Variants in TEX15 observed in about 807,000 individuals in gnomAD.
The protein encoded by TEX15 is testis expressed 15, meiosis and synapsis associated.
In TEX15, 171 loss-of-function variants were observed where a neutral mutation model predicts 237.3. The ratio of observed to expected loss-of-function variants is 0.72; its 90% CI spans 0.64 to 0.82. The LOEUF (loss-of-function observed/expected upper bound fraction) is 0.82, where lower values mean the gene tolerates loss of function less well. Among genes scored for constraint, TEX15 ranks in the 40% least tolerant of loss-of-function variants. TEX15 has a pLI of 0.00. For synonymous variants in TEX15, 1,338 were observed against 1,269.8 expected, an observed-to-expected ratio of 1.05 and a Z score of -1.14; for missense variants, 3,750 against 3,646.5, an observed-to-expected ratio of 1.03 and a Z score of -0.73.
In TEX15 at chr8:30,832,304, C is replaced by T. The variant is rs1807200350; in HGVS notation, c.*982G>A. 6.6e-6 allele frequency: 1 copy of T among 152,222 alleles called. No homozygotes were observed. Among genetic ancestry groups the T allele is most frequent in the Admixed American group, 6.5e-5 (1 of 15,278 alleles). 9.4% of individuals were successfully genotyped at this position (152,222 alleles called of 1,614,324 possible). ...GATTCAGCCAAACCAATTCTCTTGT[C>T]ACATTTTAGGGCTAACCCTTGAGAA... On this transcript the variant is annotated 3_prime_UTR_variant, in exon 11 of 11. Coordinates refer to ENST00000643185, the MANE Select transcript of TEX15 (RefSeq NM_001350162.2).
intron 1 of TEX15, among the ~76,000 whole-genome samples, chr8:30,905,796 C>T (rs1387596625): frequency 6.7e-5 from 10 of 149,886 alleles, no homozygotes; most frequent in South Asian, 2.1e-4. Context: ...CCCAGCTGCT[C>T]GGGATGCTGA....
intron 2 of TEX15, among the ~76,000 whole-genome samples, chr8:30,897,587 A>G (rs1370574900): frequency 6.6e-6 from 1 of 152,228 alleles, no homozygotes; most frequent in East Asian, 1.9e-4. Context: ...CATATGATTA[A>G]TATGTGGGTA....
At position 30,848,486 on chromosome 8, in the gene TEX15, C is replaced by A. The variant is rs775006638; in HGVS notation, c.1681G>T (p.Ala561Ser). ...CCGGACTCCTGTTGGGCTCTCTGAG[C>A]CTTCTCCTCACTGTGGTTTTGGTTC... is the stretch of plus-strand genomic sequence containing the variant. Reference protein sequence around the residue: ...VENQNHSEEKAQRAQQESGNA... With the variant: ...VENQNHSEEKSQRAQQESGNA... The change falls in exon 8 of 11, where the codon GCT (alanine) becomes TCT (serine). Residue 561 changes from alanine to serine, a missense_variant. By Grantham distance (99) the Ala-to-Ser change is moderately conservative (BLOSUM62 1). Transcript: ENST00000643185. 1 of 1,614,110 alleles carries A rather than the reference C, an allele frequency of 6.2e-7. No individual in the cohort carries two copies. The highest frequency in any genetic ancestry group is 1.1e-5 in the South Asian group (1 of 91,072).
chr8:30,888,558 A>G, intron 2 of TEX15: 3 of 1,175,138 alleles, frequency 2.6e-6, no homozygotes, highest in Non-Finnish European at 3.4e-6. Flanking sequence ...CTCTTTAAGT[A>G]GAACTCAAGC....
chr8:30,836,283 C>T (rs1001360719), intron 10 of TEX15, among the ~76,000 whole-genome samples: 3 of 125,142 alleles, frequency 2.4e-5, no homozygotes, highest in African/African-American at 8.8e-5. Flanking sequence ...GGCGGATCTC[C>T]GCTCACCACA....
chr8:30,889,912 ATATT>A (rs1243120249), intron 2 of TEX15, among the ~76,000 whole-genome samples: 3 of 118,454 alleles, frequency 2.5e-5, no homozygotes, highest in African/African-American at 1.1e-4. Context: ...ATGATTATAT[ATATT>A]TATGTATTAG....
intron 1 of TEX15, among the ~76,000 whole-genome samples, chr8:30,903,001 G>A (rs1419692440): frequency 6.6e-6 from 1 of 152,202 alleles, no homozygotes; most frequent in Non-Finnish European, 1.5e-5. Flanking sequence ...TTTAAACTAT[G>A]TGGTTAAACT....
rs1321856361 is a variant in TEX15, at chr8:30,847,064, T to A, written c.3103A>T (p.Lys1035Ter). 2 of 1,613,090 alleles carry A rather than the reference T, an allele frequency of 1.2e-6. No individual in the cohort carries two copies. The highest frequency in any genetic ancestry group is 3.3e-5 in the Admixed American group (2 of 59,924). ...TGAAATGATTCTTGTGATTTATTTT[T>A]ATCCGTATCAATTTCACAATCAGAA... ...RVSDCEIDTD[K>*]NKSQESFHQS... The change falls in exon 8 of 11, where the codon AAA (lysine) becomes TAA (stop). Residue 1035 changes from lysine to a stop codon, truncating the protein, a stop_gained. Transcript: ENST00000643185. LOFTEE classifies it high-confidence loss of function.
intron 1 of TEX15, among the ~76,000 whole-genome samples, chr8:30,912,313 G>A (rs1217430362): frequency 7.0e-6 from 1 of 142,434 alleles, no homozygotes; most frequent in South Asian, 2.3e-4. Flanking sequence ...GTCCCGAGTT[G>A]CGGTCCCGGG....
At chr8:30,908,634 A>C (rs1002466218) in intron 1 of TEX15, among the ~76,000 whole-genome samples, 17 of 152,224 alleles carry the variant, frequency 1.1e-4, no homozygotes, top group East Asian at 1.9e-4. Flanking sequence ...CTAACAGAAG[A>C]AGCAAAGGAT....
chr8:30,844,912 C>T lies in TEX15; in HGVS notation c.5255G>A (p.Ser1752Asn), dbSNP rs1315119105. Residue 1752 changes from serine (S) to asparagine (N), a missense_variant, in exon 8 of 11, where the codon AGT (serine) becomes AAT (asparagine). Physicochemically the swap from Ser to Asn is conservative, Grantham distance 46. Coordinates refer to ENST00000643185, the MANE Select transcript of TEX15 (RefSeq NM_001350162.2). ...GCTCTGCTCACAGTGTGGTACAGTA[C>T]TGGATGCTGCAAAAGAATCTACAGT... ...ILTVDSFAAS[S>N]TVPHCEQSCR... 14 of 1,613,346 alleles carry T rather than the reference C, an allele frequency of 8.7e-6. No homozygotes were observed. The highest frequency in any genetic ancestry group is 1.2e-5 in the Non-Finnish European group (14 of 1,179,554).
chr8:30,849,233 T>C lies in TEX15; in HGVS notation c.934A>G (p.Lys312Glu). 6.5e-7 allele frequency: 1 copy of C among 1,536,234 alleles called. No individual in the cohort carries two copies. The change falls in exon 8 of 11, where the codon AAG becomes GAG. Residue 312 changes from lysine to glutamate, a missense_variant. Transcript: ENST00000643185. ...TGAACAAATGGATCTACAGGTTTCTTGAAATGCACAAAGGTGACAGTAGCA... is the reference window on the plus strand; with the variant it reads ...TGAACAAATGGATCTACAGGTTTCTCGAAATGCACAAAGGTGACAGTAGCA... ...KDATVTFVHF[K>E]KPVDPFVQEN...
intron 10 of TEX15, among the ~76,000 whole-genome samples, chr8:30,833,821 A>G (rs1459214250): frequency 6.6e-6 from 1 of 152,152 alleles, no homozygotes; most frequent in African/African-American, 2.4e-5. Flanking sequence ...TGACTTTTGG[A>G]TATTAAGTAA....
At chr8:30,889,254 C>T (rs1808731554) in intron 2 of TEX15, among the ~76,000 whole-genome samples, 1 of 152,116 alleles carries the variant, frequency 6.6e-6, no homozygotes, top group South Asian at 2.1e-4. Flanking sequence ...AGTTTGAGAC[C>T]AGTTTGGCCA....
chr8:30,907,549 A>G (rs1809130668), intron 1 of TEX15, among the ~76,000 whole-genome samples: 1 of 145,408 alleles, frequency 6.9e-6, no homozygotes, highest in Non-Finnish European at 1.5e-5. Flanking sequence ...AAATGTATAT[A>G]CAAAATTTAT....
At chr8:30,885,674 T>C (rs143974573) in intron 3 of TEX15, among the ~76,000 whole-genome samples, 26 of 152,308 alleles carry the variant, frequency 1.7e-4, no homozygotes, top group Non-Finnish European at 3.7e-4. Context: ...TTGAGAAGAA[T>C]GTCTAACGTG....
At chr8:30,861,979 A>G (rs1037406797) in intron 5 of TEX15, among the ~76,000 whole-genome samples, 1 of 152,190 alleles carries the variant, frequency 6.6e-6, no homozygotes, top group Non-Finnish European at 1.5e-5. Flanking sequence ...TAGACTGGCA[A>G]AAGTTTTTTT....
intron 2 of TEX15, among the ~76,000 whole-genome samples, chr8:30,897,681 G>C (rs1381764629): frequency 6.6e-6 from 1 of 152,134 alleles, no homozygotes; most frequent in Non-Finnish European, 1.5e-5. Flanking sequence ...TCTTTTAAGA[G>C]TCAAGATCTC....
intron 3 of TEX15, among the ~76,000 whole-genome samples, chr8:30,879,938 T>A (rs201636429): frequency 0.016 from 1,859 of 117,720 alleles, 20 homozygotes; most frequent in East Asian, 0.051. Context: ...TTTTTTTTTT[T>A]AAAAAAAAAA....
Sources: gnomAD v4.1 joint callset for allele counts (sites outside exome capture counted in the v4.1 genomes callset) on GRCh38, gnomAD v4.1.1 for gene constraint, MANE v1.5 for transcripts, NCBI Gene and HGNC (gene_info 2026-07-23, HGNC 2026-07-21) for gene names.